ASB4: variants seen among roughly 807,000 people sequenced by gnomAD.
The protein encoded by ASB4 is ankyrin repeat and SOCS box containing 4, also known as ankyrin repeat and SOCS box protein 4.
In ASB4, 35 loss-of-function variants were observed where a neutral mutation model predicts 38.6. The ratio of observed to expected loss-of-function variants is 0.91; its 90% CI spans 0.69 to 1.20. The LOEUF (loss-of-function observed/expected upper bound fraction) is 1.20, where lower values mean the gene tolerates loss of function less well. ASB4 is among the 50% of genes most tolerant of loss of function. ASB4 has a pLI of 0.00. For synonymous variants in ASB4, 195 were observed against 201.3 expected, an observed-to-expected ratio of 0.97 and a Z score of 0.26; for missense variants, 557 against 527.2, an observed-to-expected ratio of 1.06 and a Z score of -0.55.
At chr7:95,543,043 A>G (rs1030641714), downstream of ASB4, 1 of 152,250 alleles carries the variant, frequency 6.6e-6, no homozygotes, top group Non-Finnish European at 1.5e-5. Context: ...AGGAGCCAAG[A>G]CACACCTGCT....
At chr7:95,532,543 C>T (rs1368220636) in intron 3 of ASB4, among the ~76,000 whole-genome samples, 1 of 152,084 alleles carries the variant, frequency 6.6e-6, no homozygotes, top group Non-Finnish European at 1.5e-5. Context: ...TGATTTCTGC[C>T]ATTGAACAAT....
rs1790119184 is a variant in ASB4, at chr7:95,488,160, T to C, written c.187+2002T>C. ...ATAGAGACCATCCTGCCTAACACGG[T>C]GAAACCCCATTTCTACTAAAAATAC... On this transcript the variant is annotated intron_variant, in intron 1 of 4. Coordinates refer to ENST00000325885, the MANE Select transcript of ASB4 (RefSeq NM_016116.3). Among the ~76,000 whole-genome samples, 7 of 152,126 alleles carry C rather than the reference T, an allele frequency of 4.6e-5. No individual in the cohort carries two copies. In the South Asian group the frequency reaches 1.5e-3, roughly 32 times the overall value.
chr7:95,497,392 T>C (rs1050526256), intron 2 of ASB4, among the ~76,000 whole-genome samples: 9 of 151,982 alleles, frequency 5.9e-5, no homozygotes, highest in African/African-American at 2.2e-4. Flanking sequence ...GATTCAGAGA[T>C]GGATTGGATG....
rs1335446306 is a variant in ASB4 at position 95,539,693 on chromosome 7, AG to A, written c.*1935del. 6.6e-6 allele frequency: 1 copy of A among 152,444 alleles called. No individual in the cohort carries two copies. Among genetic ancestry groups the A allele is most frequent in the African/African-American group, 2.4e-5 (1 of 41,460 alleles). 9.4% of individuals were successfully genotyped at this position (152,444 alleles called of 1,614,324 possible). On this transcript the variant is annotated 3_prime_UTR_variant, in exon 5 of 5. Transcript: ENST00000325885. ...TGGGAGCTAAGCAATGAGGATGCAA[AG>A]ACATCCAGAGTGATATAATGGACTA...
chr7:95,472,899 C>A, the ASB4 span, among the ~76,000 whole-genome samples: 5 of 152,060 alleles, frequency 3.3e-5, no homozygotes, highest in African/African-American at 9.7e-5. Flanking sequence ...TAAGATTTGC[C>A]AAAACTTGTA....
In ASB4 at chr7:95,537,627, T is replaced by C. The variant is rs765853822; in HGVS notation, c.1149T>C (p.Thr383=). 5.6e-6 allele frequency: 9 copies of C among 1,612,188 alleles called. No homozygotes were observed. The highest frequency in any genetic ancestry group is 1.1e-5 in the South Asian group (1 of 90,636). ...LFTVCCNSPR[T]LMHLSRCAIR... is the part of the protein sequence containing the mutation. ...CTGTGTGCTGTAACTCTCCAAGGAC[T>C]CTCATGCACTTATCGAGATGTGCCA... Residue 383 remains threonine (T), a synonymous_variant, in exon 5 of 5, where the codon ACT becomes ACC. Coordinates refer to ENST00000325885, the MANE Select transcript of ASB4 (RefSeq NM_016116.3).
At chr7:95,527,697 A>T in intron 2 of ASB4, 116 bp from the exon 3 acceptor site, 1 of 1,023,328 alleles carries the variant, frequency 9.8e-7, no homozygotes, top group Non-Finnish European at 1.4e-6. Flanking sequence ...GGTTGGGGAT[A>T]ATATACGGCA....
At chr7:95,485,832 G>C (rs1012079779), upstream of ASB4, 1 of 649,026 alleles carries the variant, frequency 1.5e-6, no homozygotes, top group African/African-American at 1.8e-5. Flanking sequence ...AGTTTGAAAT[G>C]ATCCCTATAT....
the ASB4 span, among the ~76,000 whole-genome samples, chr7:95,473,204 C>A: frequency 6.6e-6 from 1 of 152,290 alleles, no homozygotes; most frequent in Middle Eastern, 3.4e-3. Flanking sequence ...CAGAGCTTTC[C>A]CATTCAAGGA....
intron 2 of ASB4, among the ~76,000 whole-genome samples, chr7:95,518,514 T>C (rs1432222564): frequency 6.6e-6 from 1 of 152,256 alleles, no homozygotes; most frequent in East Asian, 1.9e-4. Flanking sequence ...TCTAAGCCAC[T>C]GAAATATGAG....
the ASB4 span, among the ~76,000 whole-genome samples, chr7:95,472,356 C>G: frequency 6.6e-6 from 1 of 152,152 alleles, no homozygotes; most frequent in Admixed American, 6.5e-5. Flanking sequence ...TCTTGAAAAT[C>G]TCAATACTAT....
intron 1 of ASB4, among the ~76,000 whole-genome samples, 188 bp downstream of exon 1, chr7:95,486,346 T>A (rs1790090542): frequency 6.6e-6 from 1 of 152,162 alleles, no homozygotes; most frequent in Admixed American, 6.5e-5. Context: ...TATGTATAAG[T>A]CGTGTCTCTC....
At chr7:95,502,386 G>GC (rs201243855) in intron 2 of ASB4, among the ~76,000 whole-genome samples, 13,282 of 38,958 alleles carry the variant, frequency 0.34, 978 homozygotes, top group East Asian at 0.59. Flanking sequence ...ATAGGTACCA[G>GC]CCTGCGGGGG....
At chr7:95,499,338 A>G (rs1790297520) in intron 2 of ASB4, among the ~76,000 whole-genome samples, 1 of 152,242 alleles carries the variant, frequency 6.6e-6, no homozygotes, top group Non-Finnish European at 1.5e-5. Flanking sequence ...TTTCAATGTT[A>G]GAAGGATGAG....
intron 2 of ASB4, among the ~76,000 whole-genome samples, chr7:95,519,997 TA>T (rs1315883471): frequency 6.6e-6 from 1 of 152,312 alleles, no homozygotes; most frequent in Non-Finnish European, 1.5e-5. Context: ...AATCTTCATC[TA>T]AAAAACATGC....
At position 95,536,555 on chromosome 7, in the gene ASB4, A is replaced by G. The variant is rs1790892890; in HGVS notation, c.1092+5A>G. 6.3e-7 allele frequency: 1 copy of G among 1,578,540 alleles called. No homozygotes were observed. The highest frequency in any genetic ancestry group is 1.3e-5 in the African/African-American group (1 of 74,286). On this transcript the variant is annotated splice_donor_5th_base_variant and intron_variant, in intron 4 of 4. Coordinates refer to ENST00000325885, the MANE Select transcript of ASB4 (RefSeq NM_016116.3). ...ATCCCCGATGATGACTTGGAGGTAA[A>G]TAATCGATTCCCTTCTAATAGTTTT...
At chr7:95,515,312 TCTTTCTTC>T (rs1389390510) in intron 2 of ASB4, among the ~76,000 whole-genome samples, 34 of 100,730 alleles carry the variant, frequency 3.4e-4, no homozygotes, top group Middle Eastern at 9.9e-3. Flanking sequence ...TTTCTTTCTT[TCTTTCTTC>T]CTTCCTTCCT....
chr7:95,495,735 T>A, intron 1 of ASB4, 23 bp from the exon 2 acceptor site: 3 of 1,495,114 alleles, frequency 2.0e-6, no homozygotes, highest in Non-Finnish European at 1.8e-6. Context: ...AACTTTCCTT[T>A]TCCTTTTTTT....
the ASB4 span, among the ~76,000 whole-genome samples, chr7:95,472,386 ATTTG>A: frequency 1.3e-4 from 20 of 152,206 alleles, no homozygotes; most frequent in East Asian, 3.9e-3. Flanking sequence ...TCTCAATAAT[ATTTG>A]AACATTTTGC....
Sources: allele counts gnomAD v4.1 joint callset (sites outside exome capture counted in the v4.1 genomes callset), GRCh38; gene constraint gnomAD v4.1.1; transcripts MANE v1.5; gene names NCBI Gene and HGNC (gene_info 2026-07-23, HGNC 2026-07-21).